The following LRCH1 variants were observed in gnomAD, a reference collection of about 807,000 sequenced individuals.
The protein encoded by LRCH1 is leucine-rich repeat and calponin homology domain-containing protein 1.
In LRCH1, 23 loss-of-function variants were observed where a neutral mutation model predicts 94.9. That is an observed-to-expected ratio of 0.24 (90% confidence interval 0.17 to 0.34). The LOEUF (loss-of-function observed/expected upper bound fraction) is 0.34. LRCH1 is among the 10% of genes least tolerant of loss of function. LRCH1 has a pLI of 1.00. For missense variants in LRCH1, 790 were observed against 945.9 expected (o/e 0.84, Z 2.16); for synonymous variants, 364 against 354.9 (o/e 1.03, Z -0.29).
chr13:46,627,847 C>T (rs971252825), intron 1 of LRCH1, among the ~76,000 whole-genome samples: 3 of 152,176 alleles, frequency 2.0e-5, no homozygotes, highest in Non-Finnish European at 4.4e-5. Context: ...GAGTCATCCA[C>T]ATTATTTTCT....
Position 46,651,795 on chromosome 13 carries a change from G to C in LRCH1, c.452+1450G>C, listed in dbSNP as rs1298321422. On this transcript the variant is annotated intron_variant, in intron 2 of 19. Coordinates refer to ENST00000389797, the MANE Select transcript of LRCH1 (RefSeq NM_001164211.2). ...AGCTCACTGCAAGCTCCGCCTCCCG[G>C]GTTCACACCATTCTCCTGCCTCAGC... Among the ~76,000 whole-genome samples the C allele has an allele frequency of 2.0e-5, 3 of 151,038 alleles. No individual in the cohort carries two copies. In the East Asian group the frequency reaches 6.0e-4, roughly 30 times the overall value.
intron 1 of LRCH1, among the ~76,000 whole-genome samples, chr13:46,560,187 C>G (rs1235510013): frequency 9.1e-6 from 1 of 109,376 alleles, no homozygotes. Context: ...TTTACTTGCT[C>G]TTAATGTCTC....
intron 14 of LRCH1, 124 bp downstream of exon 14, chr13:46,711,968 C>A: frequency 3.0e-6 from 2 of 660,716 alleles, no homozygotes. Context: ...TGGGGGAATC[C>A]GTCTAACTCT....
chr13:46,657,354 C>G (rs2051382138), intron 2 of LRCH1, among the ~76,000 whole-genome samples: 1 of 148,566 alleles, frequency 6.7e-6, no homozygotes, highest in African/African-American at 2.5e-5. Context: ...TGCACTTTAC[C>G]AAGTCCTATA....
At chr13:46,740,913 C>G (rs182162855) in intron 19 of LRCH1, among the ~76,000 whole-genome samples, 15 of 152,084 alleles carry the variant, frequency 9.9e-5, no homozygotes, top group African/African-American at 3.1e-4. Flanking sequence ...GTCTACCCCC[C>G]CTGCCCCAAT....
At chr13:46,646,925 C>A (rs1413945203) in intron 1 of LRCH1, among the ~76,000 whole-genome samples, 1 of 152,084 alleles carries the variant, frequency 6.6e-6, no homozygotes, top group African/African-American at 2.4e-5. Context: ...CCAGCCTGGC[C>A]CACATGGTGA....
In LRCH1 at chr13:46,742,466, G is replaced by T. The variant is rs949301012; in HGVS notation, c.*618G>T. On this transcript the variant is annotated 3_prime_UTR_variant, in exon 20 of 20. Transcript: ENST00000389797. ...TTTCCTAAAAAGGGAGCCGCGAAGGGCGCTGGGCAGTGTGGCCGCCAACTT... is the reference window on the plus strand; with the variant it reads ...TTTCCTAAAAAGGGAGCCGCGAAGGTCGCTGGGCAGTGTGGCCGCCAACTT... 3.0e-6 allele frequency: 3 copies of T among 986,748 alleles called. No homozygotes were observed. In the African/African-American group the frequency reaches 5.2e-5, roughly 17 times the overall value. The allele number at this position is 986,748 out of a possible 1,614,324, so 61.1% of individuals were successfully genotyped here.
intron 16 of LRCH1, among the ~76,000 whole-genome samples, chr13:46,720,585 T>C (rs1027560391): frequency 2.0e-5 from 3 of 152,210 alleles, no homozygotes; most frequent in Non-Finnish European, 4.4e-5. Context: ...TTTATTCCTC[T>C]GGATTAAGTA....
rs1474240374 is a variant in LRCH1, at chr13:46,597,442, C to T, written c.307+43739C>T. Among the ~76,000 whole-genome samples the T allele has an allele frequency of 7.2e-5, 11 of 151,956 alleles. No individual in the cohort carries two copies. The South Asian group carries it at 8.3e-4, about 11-fold the overall frequency. ...CTTGATCTTGGCTCACTGCAACTTC[C>T]GCCTCCCGGGTTCAAGCAATTCTCC... On this transcript the variant is annotated intron_variant, in intron 1 of 19. Transcript: ENST00000389797.
chr13:46,610,966 G>A (rs1370519972), intron 1 of LRCH1, among the ~76,000 whole-genome samples: 1 of 152,178 alleles, frequency 6.6e-6, no homozygotes, highest in Non-Finnish European at 1.5e-5. Flanking sequence ...CTTAGCATGT[G>A]TATTCAACAG....
chr13:46,585,601 G>A (rs989864100), intron 1 of LRCH1, among the ~76,000 whole-genome samples: 2 of 150,500 alleles, frequency 1.3e-5, no homozygotes, highest in Non-Finnish European at 3.0e-5. Context: ...AACCTGCACC[G>A]ATTTTGTAGA....
intron 1 of LRCH1, among the ~76,000 whole-genome samples, chr13:46,625,631 GGTTTTTT>G (rs2050937998): frequency 7.9e-6 from 1 of 126,266 alleles, no homozygotes; most frequent in Non-Finnish European, 1.6e-5. Context: ...AAATGTGTGG[GGTTTTTT>G]TTTTTTTTTT....
At chr13:46,703,011 A>G (rs943020184) in intron 11 of LRCH1, among the ~76,000 whole-genome samples, 2 of 152,182 alleles carry the variant, frequency 1.3e-5, no homozygotes, top group Non-Finnish European at 2.9e-5. Flanking sequence ...ATGATTATTC[A>G]TGTTGTTAAT....
chr13:46,683,511 T>C (rs1469633247), intron 4 of LRCH1, among the ~76,000 whole-genome samples: 1 of 152,260 alleles, frequency 6.6e-6, no homozygotes, highest in Non-Finnish European at 1.5e-5. Context: ...GGAAAGCTTA[T>C]TAACAGCAAA....
intron 1 of LRCH1, among the ~76,000 whole-genome samples, chr13:46,600,611 C>G (rs1317145340): frequency 4.0e-5 from 2 of 50,416 alleles, no homozygotes; most frequent in Non-Finnish European, 8.1e-5. Flanking sequence ...TACATCCTGA[C>G]CAGATTTACA....
At position 46,553,705 on chromosome 13, in the gene LRCH1, T is replaced by C; in HGVS notation, c.307+2T>C. ...ACCTCTCGGACACGGTGCAGGCAGGTGAGTGAGGGCCGAGGGGCGGGCAGG... is the reference window on the plus strand; with the variant it reads ...ACCTCTCGGACACGGTGCAGGCAGGCGAGTGAGGGCCGAGGGGCGGGCAGG... On this transcript the variant is annotated splice_donor_variant, in intron 1 of 19. Transcript: ENST00000389797. LOFTEE classifies it high-confidence loss of function. The C allele has an allele frequency of 6.2e-7, 1 of 1,607,864 alleles. No homozygotes were observed. The highest frequency in any genetic ancestry group is 1.3e-5 in the African/African-American group (1 of 74,698).
rs5803371 is a variant in LRCH1, at chr13:46,743,734, GA to G, written c.*1897del. The G allele has an allele frequency of 0.95, 819,190 of 862,492 alleles. 389,834 individuals carry two copies. Among genetic ancestry groups the G allele is most frequent in the Non-Finnish European group, 0.97 (695,716 of 718,314 alleles). The allele number at this position is 862,492 out of a possible 1,614,324, so 53.4% of individuals were successfully genotyped here. On this transcript the variant is annotated 3_prime_UTR_variant, in exon 20 of 20. Coordinates refer to ENST00000389797, the MANE Select transcript of LRCH1 (RefSeq NM_001164211.2). ...TCCCTTCTTTCTGGGGAGAAAATGG[GA>G]AAAAAAAAAAGAAAACTTACTGGGT...
chr13:46,634,263 CT>C lies in LRCH1; in HGVS notation c.308-15935del, dbSNP rs200924741. 3.9e-3 allele frequency among the ~76,000 whole-genome samples: 592 copies of C among 152,346 alleles called. 3 individuals carry two copies. The highest frequency in any genetic ancestry group is 0.014 in the African/African-American group (568 of 41,580). On this transcript the variant is annotated intron_variant, in intron 1 of 19. Coordinates refer to ENST00000389797, the MANE Select transcript of LRCH1 (RefSeq NM_001164211.2). Reference sequence around the variant, plus strand: ...CCCAGATGCCACCAGCTCTTCTTTGCTTTCAATGTTTAATGGAACACTAAGG... The same window carrying C: ...CCCAGATGCCACCAGCTCTTCTTTGCTTCAATGTTTAATGGAACACTAAGG...
At chr13:46,651,856 A>C (rs1461229310) in intron 2 of LRCH1, among the ~76,000 whole-genome samples, 1 of 146,784 alleles carries the variant, frequency 6.8e-6, no homozygotes, top group East Asian at 2.1e-4. Context: ...GCCGGCCACC[A>C]GGCCTGCTGA....
Sources: allele counts gnomAD v4.1 joint callset (sites outside exome capture counted in the v4.1 genomes callset), GRCh38; gene constraint gnomAD v4.1.1; transcripts MANE v1.5; gene names NCBI Gene and HGNC (gene_info 2026-07-23, HGNC 2026-07-21).